Variants in C16orf74 observed in about 807,000 individuals in gnomAD.
The protein encoded by C16orf74 is calcimembrin.
A neutral mutation model predicts 6.5 loss-of-function variants in C16orf74; 10 were observed. The observed-to-expected ratio is 1.54, with a 90% CI of 0.95 to 2.61. The LOEUF (loss-of-function observed/expected upper bound fraction) is 2.61. C16orf74 is among the 30% of genes most tolerant of loss of function. The pLI, the probability that C16orf74 is intolerant of heterozygous loss-of-function variation, is 0.00. For synonymous variants in C16orf74, 60 were observed against 42.5 expected, an observed-to-expected ratio of 1.41 and a Z score of -1.60; for missense variants, 141 against 105.9, an observed-to-expected ratio of 1.33 and a Z score of -1.45.
intron 2 of C16orf74, 128 bp from the exon 3 acceptor site, chr16:85,710,435 G>A (rs2053958536): frequency 3.7e-6 from 3 of 806,542 alleles, no homozygotes; most frequent in Non-Finnish European, 5.4e-6. Context: ...TCGCAGCAAG[G>A]AGCGCAGCTG....
chr16:85,728,725 C>G (rs1006446077), intron 2 of C16orf74, among the ~76,000 whole-genome samples: 2 of 152,164 alleles, frequency 1.3e-5, no homozygotes, highest in African/African-American at 2.4e-5. Flanking sequence ...AGAAAACTCT[C>G]GAGACCTGAC....
intron 2 of C16orf74, among the ~76,000 whole-genome samples, chr16:85,723,328 C>G (rs1453103856): frequency 6.7e-6 from 1 of 149,806 alleles, no homozygotes; most frequent in Non-Finnish European, 1.5e-5. Context: ...TTTGGGAGGC[C>G]GAGGAAGGAG....
chr16:85,728,825 G>C (rs1567807872), intron 2 of C16orf74, among the ~76,000 whole-genome samples: 1 of 152,214 alleles, frequency 6.6e-6, no homozygotes, highest in East Asian at 1.9e-4. Flanking sequence ...GTTGCAGTCA[G>C]TCAGAGGCAG....
intron 3 of C16orf74, 140 bp from the exon 4 acceptor site, chr16:85,708,206 C>T: frequency 1.4e-6 from 1 of 704,818 alleles, no homozygotes; most frequent in South Asian, 1.8e-5. Flanking sequence ...GGACCCAGCC[C>T]AGTGATGCTG....
chr16:85,740,419 G>A (rs388576), intron 1 of C16orf74, among the ~76,000 whole-genome samples: 59,570 of 150,232 alleles, frequency 0.4, 12,143 homozygotes, highest in Middle Eastern at 0.52. Context: ...TTATCCAGGT[G>A]TGGCCGGGCG....
intron 2 of C16orf74, among the ~76,000 whole-genome samples, chr16:85,717,527 G>A (rs565875686): frequency 1.3e-5 from 2 of 152,304 alleles, no homozygotes; most frequent in South Asian, 4.1e-4. Flanking sequence ...GTGGGGTGTG[G>A]GGCTGCCAAG....
intron 2 of C16orf74, among the ~76,000 whole-genome samples, chr16:85,729,809 C>G (rs888439341): frequency 6.6e-6 from 1 of 152,150 alleles, no homozygotes; most frequent in African/African-American, 2.4e-5. Context: ...CTGAAGCTAT[C>G]AGAAGCTGGA....
intron 2 of C16orf74, among the ~76,000 whole-genome samples, chr16:85,724,199 A>G (rs1034219720): frequency 1.3e-5 from 2 of 151,864 alleles, no homozygotes; most frequent in African/African-American, 2.4e-5. Flanking sequence ...GCCCGCTCTG[A>G]CTTCCGAGTC....
At chr16:85,723,188 A>C (rs928648895) in intron 2 of C16orf74, among the ~76,000 whole-genome samples, 5 of 141,958 alleles carry the variant, frequency 3.5e-5, no homozygotes, top group Non-Finnish European at 7.5e-5. Context: ...TGAACCCAGG[A>C]GGTGGAGGCT....
At chr16:85,749,446 C>A (rs2054411176) in intron 1 of C16orf74, among the ~76,000 whole-genome samples, 1 of 151,946 alleles carries the variant, frequency 6.6e-6, no homozygotes, top group Non-Finnish European at 1.5e-5. Flanking sequence ...CCACACCCAG[C>A]TCATTAAAAA....
intron 3 of C16orf74, among the ~76,000 whole-genome samples, chr16:85,709,634 G>C (rs2053947657): frequency 6.6e-6 from 1 of 152,168 alleles, no homozygotes; most frequent in African/African-American, 2.4e-5. Context: ...ATCACAGAGA[G>C]GCAGGTAGGG....
rs902721926 is a variant in C16orf74 at position 85,715,089 on chromosome 16, G to A, written c.29-4782C>T. ...GGAGAATGGCGTGAACCCGGGAGGCGGAGCTTGCAGTGAGCCGAGATCACG... is the reference window on the plus strand; with the variant it reads ...GGAGAATGGCGTGAACCCGGGAGGCAGAGCTTGCAGTGAGCCGAGATCACG... On this transcript the variant is annotated intron_variant, in intron 2 of 3. Coordinates refer to ENST00000284245, the MANE Select transcript of C16orf74 (RefSeq NM_206967.3). 4.6e-5 allele frequency among the ~76,000 whole-genome samples: 7 copies of A among 151,386 alleles called. No homozygotes were observed. In the South Asian group the frequency reaches 6.3e-4, roughly 14 times the overall value.
chr16:85,709,093 G>A (rs4843588), intron 3 of C16orf74, among the ~76,000 whole-genome samples: 50,351 of 152,214 alleles, frequency 0.33, 9,960 homozygotes, highest in East Asian at 0.69. Context: ...GGTGGCTCAT[G>A]CCTGTAATCC....
At chr16:85,709,082 T>C (rs61121042) in intron 3 of C16orf74, among the ~76,000 whole-genome samples, 2,627 of 152,322 alleles carry the variant, frequency 0.017, 77 homozygotes, top group African/African-American at 0.06. Flanking sequence ...AATGGGGGTG[T>C]GGTGGCTCAT....
At chr16:85,731,756 C>T (rs1484569994) in intron 2 of C16orf74, among the ~76,000 whole-genome samples, 2 of 151,890 alleles carry the variant, frequency 1.3e-5, no homozygotes, top group Admixed American at 6.6e-5. Flanking sequence ...GGTGTGATCA[C>T]AGCTCACTGC....
chr16:85,747,156 G>A (rs571412012), intron 1 of C16orf74, among the ~76,000 whole-genome samples: 10 of 152,126 alleles, frequency 6.6e-5, no homozygotes, highest in Non-Finnish European at 1.5e-4. Flanking sequence ...CTGGGCCACC[G>A]TGAAATAATA....
At chr16:85,739,663 G>T (rs1388498579) in intron 1 of C16orf74, among the ~76,000 whole-genome samples, 1 of 151,970 alleles carries the variant, frequency 6.6e-6, no homozygotes, top group Non-Finnish European at 1.5e-5. Context: ...AACCAGTCAT[G>T]GTGGTGCATG....
At chr16:85,718,057 C>T (rs762489966) in intron 2 of C16orf74, among the ~76,000 whole-genome samples, 1 of 152,234 alleles carries the variant, frequency 6.6e-6, no homozygotes, top group Non-Finnish European at 1.5e-5. Context: ...TCACGGCTCA[C>T]GTGCGCCCTC....
At chr16:85,737,142 G>A (rs1237897529) in intron 1 of C16orf74, among the ~76,000 whole-genome samples, 1 of 152,004 alleles carries the variant, frequency 6.6e-6, no homozygotes, top group East Asian at 1.9e-4. Context: ...GGGGACAGAG[G>A]AGAAGTCCGA....
Sources: allele counts gnomAD v4.1 joint callset (sites outside exome capture counted in the v4.1 genomes callset), GRCh38; gene constraint gnomAD v4.1.1; transcripts MANE v1.5; gene names NCBI Gene and HGNC (gene_info 2026-07-23, HGNC 2026-07-21).